DPH5: variants seen among roughly 807,000 people sequenced by gnomAD.
The protein encoded by DPH5 is diphthamide biosynthesis 5, also known as diphthine methyl ester synthase.
In DPH5, 31 loss-of-function variants were observed where a neutral mutation model predicts 31.6. That is an observed-to-expected ratio of 0.98 (90% CI 0.74 to 1.32). DPH5 has a LOEUF of 1.32. Among genes scored for constraint, DPH5 ranks in the 40% most tolerant of loss-of-function variants. The pLI, the probability that DPH5 is intolerant of heterozygous loss-of-function variation, is 0.00. For synonymous variants in DPH5, 120 were observed against 115.0 expected (o/e 1.04, Z -0.28); for missense variants, 309 against 335.7 (o/e 0.92, Z 0.62).
At chr1:100,998,458 G>A (rs1658563396) in intron 5 of DPH5, among the ~76,000 whole-genome samples, 1 of 150,436 alleles carries the variant, frequency 6.6e-6, no homozygotes, top group South Asian at 2.1e-4. Flanking sequence ...GCAGTGAGCC[G>A]AGACTGCACT....
At chr1:101,004,888 G>T (rs1422299748) in intron 4 of DPH5, among the ~76,000 whole-genome samples, 1 of 152,158 alleles carries the variant, frequency 6.6e-6, no homozygotes, top group Non-Finnish European at 1.5e-5. Context: ...ATTTAAAATG[G>T]CATTAAGCCA....
chr1:101,017,419 G>T (rs1002847447), intron 3 of DPH5, among the ~76,000 whole-genome samples: 1 of 152,142 alleles, frequency 6.6e-6, no homozygotes, highest in Non-Finnish European at 1.5e-5. Context: ...GTGCATATTT[G>T]ACCTGTTGCC....
At chr1:101,002,154 T>C (rs867983967) in intron 4 of DPH5, among the ~76,000 whole-genome samples, 2 of 152,160 alleles carry the variant, frequency 1.3e-5, no homozygotes, top group South Asian at 2.1e-4. Flanking sequence ...TTTGGCAAGA[T>C]TGTATTTGTT....
At chr1:101,004,532 G>A (rs1659087308) in intron 4 of DPH5, among the ~76,000 whole-genome samples, 1 of 152,136 alleles carries the variant, frequency 6.6e-6, no homozygotes, top group Non-Finnish European at 1.5e-5. Context: ...GTAACCTATA[G>A]AGAAAGCAGT....
intron 4 of DPH5, among the ~76,000 whole-genome samples, chr1:101,009,015 T>G (rs574099668): frequency 4.6e-5 from 7 of 152,314 alleles, no homozygotes; most frequent in African/African-American, 1.4e-4. Context: ...AGATTTGCCT[T>G]TTGGGGACAC....
rs1279358890 is a variant in DPH5, at chr1:101,025,292, G to A, written c.135+17C>T. 1 of 1,612,204 alleles carries A rather than the reference G, an allele frequency of 6.2e-7. No homozygotes were observed. Among genetic ancestry groups the A allele is most frequent in the South Asian group, 1.1e-5 (1 of 90,766 alleles). On this transcript the variant is annotated intron_variant, in intron 2 of 7. Transcript: ENST00000370109. ...ATAGCTTTCTTCCCAGGAGGCTGGGGAACGCTCAGCACCTACCAAGGCTTC... is the reference window on the plus strand; with the variant it reads ...ATAGCTTTCTTCCCAGGAGGCTGGGAAACGCTCAGCACCTACCAAGGCTTC...
intron 5 of DPH5, among the ~76,000 whole-genome samples, chr1:101,000,783 T>A (rs1278008132): frequency 6.6e-6 from 1 of 152,226 alleles, no homozygotes; most frequent in Non-Finnish European, 1.5e-5. Context: ...AAAATTTCAG[T>A]GCCTCTGCTA....
At chr1:101,022,728 A>G (rs1660548151) in intron 2 of DPH5, among the ~76,000 whole-genome samples, 1 of 152,208 alleles carries the variant, frequency 6.6e-6, no homozygotes, top group South Asian at 2.1e-4. Context: ...GGTACTCAAT[A>G]ATATCTGTCA....
At chr1:101,019,135 C>CTTCT (rs1301760981) in intron 3 of DPH5, among the ~76,000 whole-genome samples, 1 of 152,176 alleles carries the variant, frequency 6.6e-6, no homozygotes, top group African/African-American at 2.4e-5. Context: ...TTAATAAAGA[C>CTTCT]TTCTTATGCA....
chr1:101,002,975 CTT>C (rs1166193499), intron 4 of DPH5, among the ~76,000 whole-genome samples: 1 of 152,144 alleles, frequency 6.6e-6, no homozygotes, highest in Non-Finnish European at 1.5e-5. Context: ...ATAATGGTGA[CTT>C]TGAGTTCTAA....
Position 100,990,351 on chromosome 1 carries a change from ACCATATCAAT to A in DPH5, c.*47_*56del. 2.0e-6 allele frequency: 3 copies of A among 1,512,800 alleles called. No homozygotes were observed. 93.7% of individuals were successfully genotyped at this position (1,512,800 alleles called of 1,614,324 possible). On this transcript the variant is annotated 3_prime_UTR_variant, in exon 8 of 8. Transcript: ENST00000370109. Reference sequence around the variant, plus strand: ...GAGACTTGGGTGGGGATACATCCAAACCATATCAATCCATATATGGCTGAAATTTACATCA... The same window carrying A: ...GAGACTTGGGTGGGGATACATCCAAACCATATATGGCTGAAATTTACATCA...
At position 100,992,660 on chromosome 1, in the gene DPH5, T is replaced by A. The variant is rs763144014; in HGVS notation, c.611A>T (p.Gln204Leu). 6.2e-6 allele frequency: 10 copies of A among 1,613,830 alleles called. No individual in the cohort carries two copies. The African/African-American group carries it at 1.2e-4, about 19-fold the overall frequency. Reference protein sequence around the residue: ...AQQLLEIVQNQRIRGEEPAVT... With the variant: ...AQQLLEIVQNLRIRGEEPAVT... ...ACCTGGTTCTTCTCCTCGTATTCTT[T>A]GATTTTGAACAATCTCCAGAAGCTG... Residue 204 changes from glutamine to leucine, a missense_variant, in exon 7 of 8, where the codon CAA (glutamine) becomes CTA (leucine). Gln to Leu is a moderately radical substitution (Grantham distance 113). Coordinates refer to ENST00000370109, the MANE Select transcript of DPH5 (RefSeq NM_015958.3).
rs765006143 is a variant in DPH5 at position 101,021,590 on chromosome 1, A to AT, written c.260+50dup. On this transcript the variant is annotated intron_variant, in intron 3 of 7. Coordinates refer to ENST00000370109, the MANE Select transcript of DPH5 (RefSeq NM_015958.3). ...AAATGCAATAGAATAATTCTTACTG[A>AT]TTAAAAAAAAGTAAATGAGTTAAAA... is the stretch of plus-strand genomic sequence containing the variant. 53 of 1,567,806 alleles carry AT rather than the reference A, an allele frequency of 3.4e-5. 1 individual carries two copies. In the South Asian group the frequency reaches 6.0e-4, roughly 18 times the overall value.
chr1:101,001,644 G>A (rs1196264918), intron 4 of DPH5, 57 bp from the exon 5 acceptor site: 1 of 1,310,146 alleles, frequency 7.6e-7, no homozygotes, highest in Non-Finnish European at 1.1e-6. Flanking sequence ...TCATAGATAA[G>A]GAGAGAATTT....
chr1:101,014,158 G>A (rs1659896749), intron 3 of DPH5, among the ~76,000 whole-genome samples: 1 of 152,192 alleles, frequency 6.6e-6, no homozygotes, highest in Non-Finnish European at 1.5e-5. Flanking sequence ...CAATTCTTAA[G>A]CTCTTTGGTC....
At chr1:101,004,066 T>A (rs1358838293) in intron 4 of DPH5, among the ~76,000 whole-genome samples, 1 of 152,166 alleles carries the variant, frequency 6.6e-6, no homozygotes, top group African/African-American at 2.4e-5. Context: ...AAGTCACATA[T>A]AAACACTAAA....
intron 4 of DPH5, among the ~76,000 whole-genome samples, chr1:101,006,195 AT>A (rs1201692936): frequency 6.6e-6 from 1 of 152,190 alleles, no homozygotes; most frequent in Non-Finnish European, 1.5e-5. Context: ...CTCAAAGTCA[AT>A]TTCCCAGTCT....
intron 4 of DPH5, among the ~76,000 whole-genome samples, chr1:101,005,528 G>T (rs1659167107): frequency 6.6e-6 from 1 of 152,118 alleles, no homozygotes; most frequent in Admixed American, 6.5e-5. Flanking sequence ...CACACACTAG[G>T]TACATAAAGT....
At position 101,025,373 on chromosome 1, in the gene DPH5, C is replaced by G. The variant is rs1248090951; in HGVS notation, c.71G>C (p.Arg24Thr). 6.2e-7 allele frequency: 1 copy of G among 1,614,216 alleles called. No individual in the cohort carries two copies. Among genetic ancestry groups the G allele is most frequent in the Non-Finnish European group, 8.5e-7 (1 of 1,180,036 alleles). The change falls in exon 2 of 8, where the codon AGA becomes ACA. Residue 24 changes from arginine to threonine, a missense_variant. Coordinates refer to ENST00000370109, the MANE Select transcript of DPH5 (RefSeq NM_015958.3). ...TTCCAGATACACTCGACTGCAGCGTCTAACAACTTCCAGGCCCTTGACTGT... is the reference window on the plus strand; with the variant it reads ...TTCCAGATACACTCGACTGCAGCGTGTAACAACTTCCAGGCCCTTGACTGT... ...DITVKGLEVV[R>T]RCSRVYLEAY...
Sources: gnomAD v4.1 joint callset for allele counts (sites outside exome capture counted in the v4.1 genomes callset) on GRCh38, gnomAD v4.1.1 for gene constraint, MANE v1.5 for transcripts, NCBI Gene and HGNC (gene_info 2026-07-23, HGNC 2026-07-21) for gene names.